Variants in PLXDC2 observed in about 807,000 individuals in gnomAD.
PLXDC2 encodes plexin domain-containing protein 2.
Under a neutral mutation model 68.9 loss-of-function variants are expected in PLXDC2, and 40 were observed. The ratio of observed to expected loss-of-function variants is 0.58; its 90% CI spans 0.45 to 0.76. The LOEUF is 0.76. Ranked by LOEUF, PLXDC2 falls within the 30% of genes least tolerant of loss-of-function variation. The pLI is 0.00. For synonymous variants in PLXDC2, 243 were observed against 234.2 expected (o/e 1.04, Z -0.34); for missense variants, 644 against 661.9 (o/e 0.97, Z 0.30).
chr10:19,881,952 A>T (rs916286854), intron 1 of PLXDC2, among the ~76,000 whole-genome samples: 1 of 152,144 alleles, frequency 6.6e-6, no homozygotes, highest in Non-Finnish European at 1.5e-5. Context: ...CTTAATTTCT[A>T]GTTACTTCTT....
chr10:20,262,943 G>C (rs751516833), intron 13 of PLXDC2, among the ~76,000 whole-genome samples: 1 of 152,202 alleles, frequency 6.6e-6, no homozygotes, highest in East Asian at 1.9e-4. Context: ...GAGCCTCCAG[G>C]GACATCTGAA....
At chr10:19,950,569 A>G (rs570432622) in intron 1 of PLXDC2, among the ~76,000 whole-genome samples, 91 of 152,326 alleles carry the variant, frequency 6.0e-4, no homozygotes, top group Admixed American at 1.6e-3. Flanking sequence ...GTATTTTCAA[A>G]TACTGCCCAA....
intron 3 of PLXDC2, among the ~76,000 whole-genome samples, chr10:20,051,620 T>A (rs1423993612): frequency 1.3e-5 from 2 of 152,012 alleles, no homozygotes; most frequent in African/African-American, 4.8e-5. Context: ...CTTCATGATA[T>A]GTTTCATGCA....
intron 1 of PLXDC2, among the ~76,000 whole-genome samples, chr10:19,839,186 CAAAAAA>C (rs3043806): frequency 5.9e-5 from 6 of 100,984 alleles, no homozygotes; most frequent in Non-Finnish European, 1.3e-4. Flanking sequence ...AACTCAGTCT[CAAAAAA>C]AAAAAAAAAA....
chr10:20,077,295 T>C (rs1053771843), intron 4 of PLXDC2, among the ~76,000 whole-genome samples: 1 of 152,246 alleles, frequency 6.6e-6, no homozygotes, highest in African/African-American at 2.4e-5. Flanking sequence ...GATTTCTTTA[T>C]GTGTAGTCAT....
chr10:19,919,407 A>C (rs11011674), intron 1 of PLXDC2, among the ~76,000 whole-genome samples: 16,625 of 152,262 alleles, frequency 0.11, 897 homozygotes, highest in South Asian at 0.12. Context: ...GAATATTCTA[A>C]ACTGCCAAGC....
chr10:20,176,962 A>G (rs760433406), intron 7 of PLXDC2, 37 bp from the exon 8 acceptor site: 1 of 1,442,080 alleles, frequency 6.9e-7, no homozygotes, highest in South Asian at 1.2e-5. Flanking sequence ...TAAGCGAGGA[A>G]AGGTTAAAAA....
rs193242448 is a variant in PLXDC2, at chr10:20,038,523, C to G, written c.325-8346C>G. 5.7e-3 allele frequency among the ~76,000 whole-genome samples: 873 copies of G among 152,144 alleles called. 7 individuals carry two copies. Among genetic ancestry groups the G allele is most frequent in the South Asian group, 0.019 (91 of 4,818 alleles). On this transcript the variant is annotated intron_variant, in intron 2 of 13. Coordinates refer to ENST00000377252, the MANE Select transcript of PLXDC2 (RefSeq NM_032812.9). ...TTGAATTGTATACCATGTAATTGTT[C>G]TTAGTATCTGAAGAAGGTATTAATG...
intron 1 of PLXDC2, among the ~76,000 whole-genome samples, chr10:19,898,231 T>A (rs904766796): frequency 6.6e-6 from 1 of 152,232 alleles, no homozygotes; most frequent in African/African-American, 2.4e-5. Flanking sequence ...AGGTGGCACA[T>A]GTGCAGGCTT....
At chr10:20,051,420 A>ATATATATG (rs1338781392) in intron 3 of PLXDC2, among the ~76,000 whole-genome samples, 2 of 125,522 alleles carry the variant, frequency 1.6e-5, no homozygotes, top group South Asian at 5.0e-4. Flanking sequence ...ATATATATAT[A>ATATATATG]TATATATATA....
intron 1 of PLXDC2, among the ~76,000 whole-genome samples, chr10:19,908,165 T>C (rs1283966567): frequency 6.6e-6 from 1 of 152,194 alleles, no homozygotes; most frequent in Admixed American, 6.6e-5. Flanking sequence ...TATGTTTTCA[T>C]TGTTATTATA....
In PLXDC2 at chr10:20,000,732, A is replaced by G. The variant is rs146765014; in HGVS notation, c.113-1043A>G. On this transcript the variant is annotated intron_variant, in intron 1 of 13. Coordinates refer to ENST00000377252, the MANE Select transcript of PLXDC2 (RefSeq NM_032812.9). ...GCTGAATCATTGTATTATAAGCTGC[A>G]TTAAATACATTTTGGTTTCTTAGAA... is the stretch of plus-strand genomic sequence containing the variant. 5.3e-5 allele frequency among the ~76,000 whole-genome samples: 8 copies of G among 152,304 alleles called. No homozygotes were observed. In the East Asian group the frequency reaches 1.4e-3, roughly 26 times the overall value.
At chr10:19,925,595 C>G (rs1833527163) in intron 1 of PLXDC2, among the ~76,000 whole-genome samples, 1 of 152,122 alleles carries the variant, frequency 6.6e-6, no homozygotes, top group African/African-American at 2.4e-5. Context: ...ATGCAGAATT[C>G]CTTTCCATTT....
chr10:19,839,732 A>G (rs1271129492), intron 1 of PLXDC2, among the ~76,000 whole-genome samples: 4 of 151,990 alleles, frequency 2.6e-5, no homozygotes, highest in Non-Finnish European at 1.5e-5. Flanking sequence ...TTTGTTAAAC[A>G]GATACTAGAG....
chr10:19,824,670 A>G (rs1020887117), intron 1 of PLXDC2, among the ~76,000 whole-genome samples: 1 of 152,212 alleles, frequency 6.6e-6, no homozygotes, highest in African/African-American at 2.4e-5. Context: ...CAGGCTAAGT[A>G]GTGATGCTTT....
chr10:19,958,032 C>G (rs1367240767), intron 1 of PLXDC2, among the ~76,000 whole-genome samples: 1 of 151,844 alleles, frequency 6.6e-6, no homozygotes, highest in Admixed American at 6.6e-5. Flanking sequence ...TCTGCATATT[C>G]TTGTTAAGTT....
At chr10:20,167,575 A>G (rs542569947) in intron 7 of PLXDC2, among the ~76,000 whole-genome samples, 1 of 152,224 alleles carries the variant, frequency 6.6e-6, no homozygotes, top group Non-Finnish European at 1.5e-5. Context: ...ACCCCCACCA[A>G]GTGGATTTAG....
intron 1 of PLXDC2, among the ~76,000 whole-genome samples, chr10:19,931,994 T>G (rs926472149): frequency 3.4e-5 from 5 of 149,046 alleles, no homozygotes; most frequent in African/African-American, 1.3e-4. Context: ...AGCTAAATAA[T>G]GAAATCTTAT....
At chr10:20,117,213 G>T (rs1213784395) in intron 4 of PLXDC2, among the ~76,000 whole-genome samples, 1 of 152,068 alleles carries the variant, frequency 6.6e-6, no homozygotes, top group African/African-American at 2.4e-5. Flanking sequence ...GACATATAAA[G>T]ATTATGTGAA....
Sources: allele counts gnomAD v4.1 joint callset (sites outside exome capture counted in the v4.1 genomes callset), GRCh38; gene constraint gnomAD v4.1.1; transcripts MANE v1.5; gene names NCBI Gene and HGNC (gene_info 2026-07-23, HGNC 2026-07-21).